Variants in MMP26 observed in about 807,000 individuals in gnomAD.
MMP26 encodes matrix metalloproteinase-26.
A neutral mutation model predicts 31.0 loss-of-function variants in MMP26; 33 were observed. That is an observed-to-expected ratio of 1.06 (90% CI 0.81 to 1.42). MMP26 has a LOEUF of 1.42. Among genes scored for constraint, MMP26 ranks in the 40% most tolerant of loss-of-function variants. The pLI is 0.00. For synonymous variants in MMP26, 122 were observed against 114.9 expected, an observed-to-expected ratio of 1.06 and a Z score of -0.40; for missense variants, 347 against 316.1, an observed-to-expected ratio of 1.10 and a Z score of -0.74.
At chr11:4,771,500 A>T (rs766501946) in intron 2 of MMP26, among the ~76,000 whole-genome samples, 1 of 152,260 alleles carries the variant, frequency 6.6e-6, no homozygotes, top group African/African-American at 2.4e-5. Context: ...CAATTGGCTC[A>T]GTAAACAGAA....
intron 1 of MMP26, among the ~76,000 whole-genome samples, chr11:4,738,839 TCA>T (rs1403363192): frequency 2.9e-4 from 44 of 152,280 alleles, no homozygotes; most frequent in African/African-American, 1.0e-3. Flanking sequence ...TGGAACTTTA[TCA>T]TACATTATAT....
intron 2 of MMP26, among the ~76,000 whole-genome samples, chr11:4,785,040 A>G (rs35788626): frequency 6.6e-6 from 1 of 152,150 alleles, no homozygotes; most frequent in African/African-American, 2.4e-5. Flanking sequence ...TTTTTGATAG[A>G]CAGGTGTCAA....
intron 1 of MMP26, among the ~76,000 whole-genome samples, chr11:4,758,861 C>T (rs1848537253): frequency 1.3e-5 from 2 of 151,854 alleles, no homozygotes; most frequent in South Asian, 4.2e-4. Context: ...CCTGTAATCC[C>T]AGCACTTTGG....
intron 2 of MMP26, among the ~76,000 whole-genome samples, chr11:4,957,124 T>C (rs992651965): frequency 2.6e-5 from 4 of 152,154 alleles, no homozygotes; most frequent in South Asian, 2.1e-4. Flanking sequence ...GTCAGGATGG[T>C]CAAGCAATAT....
At chr11:4,774,884 G>T (rs940121702) in intron 2 of MMP26, among the ~76,000 whole-genome samples, 14 of 151,860 alleles carry the variant, frequency 9.2e-5, no homozygotes, top group African/African-American at 3.1e-4. Context: ...TTAAATAGGG[G>T]TTCCTTTTCC....
At chr11:4,941,544 G>A (rs1335292194) in intron 2 of MMP26, among the ~76,000 whole-genome samples, 1 of 152,108 alleles carries the variant, frequency 6.6e-6, no homozygotes, top group Non-Finnish European at 1.5e-5. Flanking sequence ...TTGTTAAAAT[G>A]AATATTTTGA....
intron 2 of MMP26, among the ~76,000 whole-genome samples, chr11:4,886,508 T>C (rs995070210): frequency 2.0e-5 from 3 of 152,060 alleles, no homozygotes; most frequent in African/African-American, 7.2e-5. Context: ...TGTCATTATC[T>C]TCTAAATTTT....
chr11:4,723,065 T>G lies in MMP26; in HGVS notation c.-217+18020T>G, dbSNP rs1848037942. 3 of 1,205,890 alleles carry G rather than the reference T, an allele frequency of 2.5e-6. No homozygotes were observed. In the South Asian group the frequency reaches 3.6e-5, roughly 15 times the overall value. The allele number at this position is 1,205,890 out of a possible 1,614,324, so 74.7% of individuals were successfully genotyped here. A position where few individuals can be genotyped will look rare whatever the true frequency, so the allele number is the denominator to read the frequency against. On this transcript the variant is annotated intron_variant, in intron 1 of 7. Coordinates refer to ENST00000380390, the MANE Select transcript of MMP26 (RefSeq NM_021801.5). ...CAGTTTGACTTTCATCAGCTCCTGGTACCCATGCAGCTGTCACGGCATGTT... is the reference window on the plus strand; with the variant it reads ...CAGTTTGACTTTCATCAGCTCCTGGGACCCATGCAGCTGTCACGGCATGTT...
intron 1 of MMP26, among the ~76,000 whole-genome samples, chr11:4,742,583 C>A (rs1848329396): frequency 6.6e-6 from 1 of 152,070 alleles, no homozygotes; most frequent in Admixed American, 6.6e-5. Flanking sequence ...CTGAGTAAAG[C>A]AGATGGCCTT....
chr11:4,856,940 A>G (rs998497458), intron 2 of MMP26, among the ~76,000 whole-genome samples: 2 of 152,204 alleles, frequency 1.3e-5, no homozygotes, highest in Non-Finnish European at 2.9e-5. Flanking sequence ...GCACAACTAC[A>G]TGGAAACTGA....
At chr11:4,780,559 A>T (rs1429198551) in intron 2 of MMP26, among the ~76,000 whole-genome samples, 1 of 151,970 alleles carries the variant, frequency 6.6e-6, no homozygotes, top group Non-Finnish European at 1.5e-5. Flanking sequence ...GCATGTAATT[A>T]TTTTATTGGT....
chr11:4,913,293 A>G (rs1169433447), intron 2 of MMP26: 1 of 152,240 alleles, frequency 6.6e-6, no homozygotes, highest in Non-Finnish European at 1.5e-5. Context: ...TGTCAGGTGT[A>G]CTAGATTGCC....
chr11:4,817,028 A>G (rs1849431314), intron 2 of MMP26, among the ~76,000 whole-genome samples: 2 of 151,618 alleles, frequency 1.3e-5, no homozygotes, highest in African/African-American at 2.4e-5. Context: ...ATGTGTCATT[A>G]TTTTTCTAAT....
chr11:4,739,321 C>A (rs1014024183), intron 1 of MMP26, among the ~76,000 whole-genome samples: 1 of 152,180 alleles, frequency 6.6e-6, no homozygotes, highest in Non-Finnish European at 1.5e-5. Flanking sequence ...TATTGCCATG[C>A]AGGTGAGGTC....
intron 2 of MMP26, among the ~76,000 whole-genome samples, chr11:4,827,605 T>A (rs1849595022): frequency 6.6e-6 from 1 of 151,910 alleles, no homozygotes; most frequent in African/African-American, 2.4e-5. Flanking sequence ...TTTACACCCT[T>A]TTATGTTAAA....
intron 2 of MMP26, among the ~76,000 whole-genome samples, chr11:4,833,654 T>C (rs1691162909): frequency 6.6e-6 from 1 of 152,192 alleles, no homozygotes; most frequent in Admixed American, 6.6e-5. Flanking sequence ...ATGTGCATTT[T>C]AGCAAGATCT....
intron 2 of MMP26, chr11:4,908,149 G>A: frequency 6.2e-7 from 1 of 1,614,184 alleles, no homozygotes; most frequent in Non-Finnish European, 8.5e-7. Flanking sequence ...TGGCTGCCAT[G>A]CATCACTTTG....
chr11:4,732,601 A>T (rs1589886042), intron 1 of MMP26, among the ~76,000 whole-genome samples: 2 of 151,774 alleles, frequency 1.3e-5, no homozygotes, highest in Non-Finnish European at 2.9e-5. Flanking sequence ...CCCTATCCAG[A>T]AGCAGTCGCA....
At chr11:4,885,273 T>A (rs1390551822) in intron 2 of MMP26, among the ~76,000 whole-genome samples, 6 of 152,188 alleles carry the variant, frequency 3.9e-5, no homozygotes, top group African/African-American at 1.2e-4. Flanking sequence ...AGAAAAAAAA[T>A]TTAAAATCTA....
Sources: allele counts gnomAD v4.1 joint callset (sites outside exome capture counted in the v4.1 genomes callset), GRCh38; gene constraint gnomAD v4.1.1; transcripts MANE v1.5; gene names NCBI Gene and HGNC (gene_info 2026-07-23, HGNC 2026-07-21).